The following ARMC9 variants were observed in gnomAD, a reference collection of about 807,000 sequenced individuals.
ARMC9 encodes the protein armadillo repeat containing 9.
ARMC9 carries 94 observed loss-of-function variants against 107.0 expected under a neutral mutation model. The ratio of observed to expected loss-of-function variants is 0.88; its 90% CI spans 0.74 to 1.04. ARMC9 has a LOEUF of 1.04. ARMC9 is among the 50% of genes least tolerant of loss of function. The probability of loss-of-function intolerance (pLI) is 0.00; values close to 1 mark genes in which losing one functional copy is unlikely to be tolerated. For missense variants in ARMC9, 942 were observed against 1,030.1 expected (o/e 0.91, Z 1.17); for synonymous variants, 380 against 396.9 (o/e 0.96, Z 0.51).
chr2:231,256,745 T>C (rs1291994357), intron 10 of ARMC9, 125 bp downstream of exon 10: 28 of 974,478 alleles, frequency 2.9e-5, no homozygotes, highest in Non-Finnish European at 4.4e-5. Flanking sequence ...TAGAGCTACA[T>C]GTGAATATTA....
At chr2:231,278,243 C>CA in intron 15 of ARMC9, 139 bp from the exon 16 acceptor site, 1 of 754,422 alleles carries the variant, frequency 1.3e-6, no homozygotes, top group South Asian at 1.6e-5. Flanking sequence ...TTACATGACT[C>CA]ACCCGAGGTC....
intron 9 of ARMC9, among the ~76,000 whole-genome samples, chr2:231,251,850 C>CGAGTACT (rs2037330959): frequency 6.6e-6 from 1 of 152,068 alleles, no homozygotes; most frequent in Non-Finnish European, 1.5e-5. Flanking sequence ...CTCAGCCTCC[C>CGAGTACT]GAGTAGCTGG....
At chr2:231,346,726 A>T (rs1180811224) in intron 21 of ARMC9, among the ~76,000 whole-genome samples, 3 of 152,206 alleles carry the variant, frequency 2.0e-5, no homozygotes, top group African/African-American at 7.2e-5. Context: ...AATAATATGG[A>T]TATAGTATTA....
At chr2:231,315,407 C>T (rs562660154) in intron 19 of ARMC9, among the ~76,000 whole-genome samples, 31 of 151,372 alleles carry the variant, frequency 2.0e-4, no homozygotes, top group Non-Finnish European at 3.7e-4. Context: ...GGCGTGGTGG[C>T]GCACACCTGT....
intron 1 of ARMC9, among the ~76,000 whole-genome samples, chr2:231,204,680 GC>G (rs2031690351): frequency 1.3e-5 from 2 of 152,078 alleles, no homozygotes; most frequent in South Asian, 4.2e-4. Context: ...GAAGTGATGG[GC>G]CGACCTCTTA....
chr2:231,275,373 G>T (rs571153344), intron 14 of ARMC9, among the ~76,000 whole-genome samples: 2 of 152,228 alleles, frequency 1.3e-5, no homozygotes, highest in African/African-American at 2.4e-5. Flanking sequence ...AATCCAGATG[G>T]CATCTCATAA....
At chr2:231,272,827 T>G in intron 13 of ARMC9, 128 bp from the exon 14 acceptor site, 1 of 1,290,628 alleles carries the variant, frequency 7.7e-7, no homozygotes, top group Non-Finnish European at 1.1e-6. Flanking sequence ...AGTAAGTTTT[T>G]TAGAACATAA....
At position 231,214,844 on chromosome 2, in the gene ARMC9, C is replaced by T. The variant is rs368431189; in HGVS notation, c.191C>T (p.Ala64Val). The T allele has an allele frequency of 1.3e-4, 207 of 1,613,968 alleles. No homozygotes were observed. The highest frequency in any genetic ancestry group is 1.7e-4 in the Non-Finnish European group (203 of 1,179,988). ...KSLTIQKDLV[A>V]AFDNGDQKVF... ...TCTTCTCCACAGAAGGATCTTGTCGCTGCATTTGACAACGGAGACCAGAAG... is the reference window on the plus strand; with the variant it reads ...TCTTCTCCACAGAAGGATCTTGTCGTTGCATTTGACAACGGAGACCAGAAG... Residue 64 changes from alanine (A) to valine (V), a missense_variant, in exon 4 of 25, where the codon GCT becomes GTT. Physicochemically the swap from Ala to Val is moderately conservative, Grantham distance 64. Transcript: ENST00000611582.
intron 7 of ARMC9, among the ~76,000 whole-genome samples, chr2:231,232,928 G>A (rs1027150713): frequency 1.3e-5 from 2 of 152,082 alleles, no homozygotes; most frequent in Admixed American, 1.3e-4. Flanking sequence ...TCAGCTCACT[G>A]TAACCTCCAC....
chr2:231,218,436 C>G (rs2033763250), intron 5 of ARMC9, among the ~76,000 whole-genome samples: 1 of 152,088 alleles, frequency 6.6e-6, no homozygotes, highest in African/African-American at 2.4e-5. Flanking sequence ...GGTAGATTTT[C>G]TCACAGTGAG....
intron 21 of ARMC9, among the ~76,000 whole-genome samples, chr2:231,346,834 T>C (rs572155316): frequency 6.6e-6 from 1 of 152,348 alleles, no homozygotes; most frequent in Non-Finnish European, 1.5e-5. Flanking sequence ...CAATTACTAG[T>C]AAATCTAGTT....
At chr2:231,278,772 G>A (rs1381990425) in intron 16 of ARMC9, among the ~76,000 whole-genome samples, 1 of 152,146 alleles carries the variant, frequency 6.6e-6, no homozygotes, top group Non-Finnish European at 1.5e-5. Context: ...CCCTTGGTAT[G>A]TTTAATGTAT....
At chr2:231,330,626 C>T (rs2043665468) in intron 19 of ARMC9, among the ~76,000 whole-genome samples, 1 of 152,176 alleles carries the variant, frequency 6.6e-6, no homozygotes, top group Non-Finnish European at 1.5e-5. Flanking sequence ...GTATAGAGAA[C>T]CCACCGCCAG....
Position 231,370,093 on chromosome 2 carries a change from G to A in ARMC9, c.2402G>A (p.Gly801Asp). The change falls in exon 24 of 25, where the codon GGC (glycine) becomes GAC (aspartate). Residue 801 changes from glycine to aspartate, a missense_variant. Physicochemically the swap from Gly to Asp is moderately conservative, Grantham distance 94 (BLOSUM62 -1). Transcript: ENST00000611582. ...SCGPQQASRP[G>D]STASSTRGLP... ...GGCCCCCAGCAGGCCAGCCGCCCCG[G>A]CTCCACAGCGTCCTCCACAAGGGGC... The A allele has an allele frequency of 1.3e-6, 2 of 1,534,168 alleles. No homozygotes were observed. The highest frequency in any genetic ancestry group is 1.7e-6 in the Non-Finnish European group (2 of 1,145,686).
chr2:231,308,424 A>G (rs1575029552), intron 19 of ARMC9, among the ~76,000 whole-genome samples: 1 of 152,054 alleles, frequency 6.6e-6, no homozygotes, highest in Non-Finnish European at 1.5e-5. Context: ...CTGCAGCGGG[A>G]GTGGGGCTGA....
At chr2:231,310,669 A>T (rs1026446662) in intron 19 of ARMC9, among the ~76,000 whole-genome samples, 1 of 147,414 alleles carries the variant, frequency 6.8e-6, no homozygotes, top group Non-Finnish European at 1.5e-5. Flanking sequence ...GTAGGGGGGA[A>T]CGGAGGTTGC....
chr2:231,261,639 G>A (rs921938795), intron 11 of ARMC9, among the ~76,000 whole-genome samples: 10 of 152,256 alleles, frequency 6.6e-5, no homozygotes, highest in African/African-American at 2.2e-4. Flanking sequence ...CCCTGTGCTG[G>A]TTAATAGGCT....
rs191765692 is a variant in ARMC9 at position 231,343,674 on chromosome 2, T to C, written c.1879-1301T>C. On this transcript the variant is annotated intron_variant, in intron 20 of 24. Coordinates refer to ENST00000611582, the MANE Select transcript of ARMC9 (RefSeq NM_001352754.2). ...TAATAGTAACCATATTACAAAAAAT[T>C]GTGGCAGAAAAAAATATTCTTAGTT... Among the ~76,000 whole-genome samples, 487 of 152,310 alleles carry C rather than the reference T, an allele frequency of 3.2e-3. 2 individuals are homozygous for C. Among genetic ancestry groups the C allele is most frequent in the African/African-American group, 0.011 (464 of 41,568 alleles).
rs2045513883 is a variant in ARMC9 at position 231,360,247 on chromosome 2, G to A, written c.2132-507G>A. On this transcript the variant is annotated intron_variant, in intron 22 of 24. Coordinates refer to ENST00000611582, the MANE Select transcript of ARMC9 (RefSeq NM_001352754.2). This position sits in a 1 kb window ranked among gnomAD's most constrained non-coding sequence, Gnocchi z 4.7. ...TCAGCTACAGCACAAGTCACTGGGA[G>A]TTAGGGCACTTCCTGGCCACCCTGG... Among the ~76,000 whole-genome samples, 1 of 152,178 alleles carries A rather than the reference G, an allele frequency of 6.6e-6. No homozygotes were observed. Among genetic ancestry groups the A allele is most frequent in the Non-Finnish European group, 1.5e-5 (1 of 68,020 alleles).
Sources: gnomAD v4.1 joint callset for allele counts (sites outside exome capture counted in the v4.1 genomes callset) on GRCh38, gnomAD v4.1.1 for gene constraint, Gnocchi (gnomAD v3.1) non-coding constraint, MANE v1.5 for transcripts, NCBI Gene and HGNC (gene_info 2026-07-23, HGNC 2026-07-21) for gene names.